Variants in TTN observed in about 807,000 individuals in gnomAD.
The protein encoded by TTN is titin, also known as connectin.
TTN carries 1,525 observed loss-of-function variants against 3,223.0 expected under a neutral mutation model. The observed-to-expected ratio is 0.47, with a 90% CI of 0.45 to 0.49. The LOEUF (loss-of-function observed/expected upper bound fraction) is 0.49, where lower values mean the gene tolerates loss of function less well. Ranked by LOEUF, TTN falls within the 20% of genes least tolerant of loss-of-function variation. The pLI, the probability that TTN is intolerant of heterozygous loss-of-function variation, is 0.00. For missense variants in TTN, 40,786 were observed against 43,424.0 expected (o/e 0.94, Z 5.40); for synonymous variants, 14,094 against 15,161.0 (o/e 0.93, Z 5.17).
intron 330 of TTN, 37 bp from the exon 331 acceptor site, chr2:178,555,189 A>G: frequency 6.4e-7 from 1 of 1,574,356 alleles, no homozygotes; most frequent in Non-Finnish European, 8.6e-7. Context: ...TTAAAATATT[A>G]TAAGGATGGA....
In TTN at chr2:178,533,393, T is replaced by C; in HGVS notation, c.103222A>G (p.Asn34408Asp). The change falls in exon 358 of 363, where the codon AAC becomes GAC. Residue 34408 changes from asparagine (N) to aspartate (D), a missense_variant. Asn to Asp is a conservative substitution (Grantham distance 23, BLOSUM62 1). Transcript: ENST00000589042. ...AAGCCTTCATGGATAATTTCAATGT[T>C]AGGCCCGAGGGACAGTGGCTGACCA... ...KDGQPLSLGP[N>D]IEIIHEGLDY... 6.2e-7 allele frequency: 1 copy of C among 1,613,744 alleles called. No homozygotes were observed.
At chr2:178,798,331 A>T (rs1032180887) in intron 6 of TTN, among the ~76,000 whole-genome samples, 3 of 152,132 alleles carry the variant, frequency 2.0e-5, no homozygotes, top group Non-Finnish European at 4.4e-5. Flanking sequence ...AAGTTTCATC[A>T]TGATAAACTA....
At chr2:178,782,657 A>C in intron 18 of TTN, 55 bp from the exon 19 acceptor site, 1 of 1,608,224 alleles carries the variant, frequency 6.2e-7, no homozygotes, top group Non-Finnish European at 8.5e-7. Context: ...ACCCCTGCTT[A>C]GCACTGACAG....
rs878903962 is a variant in TTN at position 178,532,949 on chromosome 2, C to A, written c.103666G>T (p.Asp34556Tyr). 1.2e-6 allele frequency: 2 copies of A among 1,613,626 alleles called. No individual in the cohort carries two copies. Among genetic ancestry groups the A allele is most frequent in the Admixed American group, 1.7e-5 (1 of 60,000 alleles). ...GGCACGAACTGCTTGATGCGTTGGT[C>A]TTCTTCTATGGTAGTCTGCTTATAC... is the stretch of plus-strand genomic sequence containing the variant. ...RKYKQTTIEE[D>Y]QRIKQFVPMS... The change falls in exon 358 of 363, where the codon GAC becomes TAC. Residue 34556 changes from aspartate (D) to tyrosine (Y), a missense_variant. By Grantham distance (160) the Asp-to-Tyr change is radical. Coordinates refer to ENST00000589042, the MANE Select transcript of TTN (RefSeq NM_001267550.2).
chr2:178,616,701 C>T, intron 256 of TTN, 28 bp downstream of exon 256: 1 of 1,612,032 alleles, frequency 6.2e-7, no homozygotes, highest in South Asian at 1.1e-5. Context: ...GCCAAATCAC[C>T]TTAGATGATA....
chr2:178,569,092 C>T lies in TTN; in HGVS notation c.77040G>A (p.Glu25680=), dbSNP rs988760489. The T allele has an allele frequency of 6.2e-6, 10 of 1,613,328 alleles. No homozygotes were observed. The African/African-American group carries it at 1.3e-4, about 22-fold the overall frequency. ...SYYFRVTAEN[E]YGIGLPAQTA... ...TCTGGGCAGGAAGGCCAATACCATACTCATTCTCAGCTGTGACTCTAAAGT... is the reference window on the plus strand; with the variant it reads ...TCTGGGCAGGAAGGCCAATACCATATTCATTCTCAGCTGTGACTCTAAAGT... The change falls in exon 326 of 363, where the codon GAG becomes GAA. Residue 25680 remains glutamate (E), a synonymous_variant. Transcript: ENST00000589042.
intron 224 of TTN, among the ~76,000 whole-genome samples, chr2:178,637,033 A>G (rs1463847418): frequency 1.3e-5 from 2 of 151,302 alleles, no homozygotes; most frequent in Non-Finnish European, 3.0e-5. Context: ...TTTAATCTGA[A>G]GTATAAAATA....
Position 178,557,570 on chromosome 2 carries a change from A to G in TTN, c.87707-15T>C, listed in dbSNP as rs763361863. 1.9e-6 allele frequency: 3 copies of G among 1,613,746 alleles called. No individual in the cohort carries two copies. Among genetic ancestry groups the G allele is most frequent in the East Asian group, 2.2e-5 (1 of 44,868 alleles). On this transcript the variant is annotated splice_polypyrimidine_tract_variant and intron_variant, in intron 328 of 362. Coordinates refer to ENST00000589042, the MANE Select transcript of TTN (RefSeq NM_001267550.2). ...TCCAGGTGTTGCTACAAAAGAGAGAAATCCTATAGATTAGTACAGACAATA... is the reference window on the plus strand; with the variant it reads ...TCCAGGTGTTGCTACAAAAGAGAGAGATCCTATAGATTAGTACAGACAATA...
Position 178,557,478 on chromosome 2 carries a change from C to A in TTN, c.87784G>T (p.Val29262Leu), listed in dbSNP as rs1466272644. ...ESITVGWHEP[V>L]SNGGSAVVGY... ...ACGACTGCACTGCCTCCATTTGACA[C>A]TGGTTCATGCCAGCCCACAGTGATG... The change falls in exon 329 of 363, where the codon GTG becomes TTG. Residue 29262 changes from valine (V) to leucine (L), a missense_variant. Val to Leu is a conservative substitution (Grantham distance 32). Coordinates refer to ENST00000589042, the MANE Select transcript of TTN (RefSeq NM_001267550.2). 9 of 1,613,814 alleles carry A rather than the reference C, an allele frequency of 5.6e-6. No homozygotes were observed. The Admixed American group carries it at 1.5e-4, about 27-fold the overall frequency.
intron 226 of TTN, 118 bp from the exon 227 acceptor site, chr2:178,635,833 T>C (rs937224350): frequency 6.6e-7 from 1 of 1,507,502 alleles, no homozygotes; most frequent in African/African-American, 1.4e-5. Flanking sequence ...ATTAATCCAC[T>C]GTAGGATATA....
intron 81 of TTN, 34 bp downstream of exon 81, chr2:178,719,949 T>C (rs563132993): frequency 3.2e-6 from 5 of 1,553,940 alleles, no homozygotes; most frequent in African/African-American, 2.7e-5. Flanking sequence ...ATCAAGTAAA[T>C]TGATTTTTTC....
rs367620757 is a variant in TTN, at chr2:178,732,956, A to G, written c.16220T>C (p.Phe5407Ser). The part of the protein sequence containing the change: ...IAASDRYRIA[F>S]VEGTASLEII... Reference sequence around the variant, plus strand: ...CTCCAAAGAGGCTGTGCCTTCCACAAATGCTATCCTGTATCTGTCAGAAGC... The same window carrying G: ...CTCCAAAGAGGCTGTGCCTTCCACAGATGCTATCCTGTATCTGTCAGAAGC... Residue 5407 changes from phenylalanine (F) to serine (S), a missense_variant, in exon 55 of 363, where the codon TTT becomes TCT. Coordinates refer to ENST00000589042, the MANE Select transcript of TTN (RefSeq NM_001267550.2). 8.7e-6 allele frequency: 14 copies of G among 1,613,436 alleles called. No homozygotes were observed. Among genetic ancestry groups the G allele is most frequent in the Admixed American group, 1.7e-5 (1 of 59,942 alleles).
In TTN at chr2:178,542,671, T is replaced by C; in HGVS notation, c.97183A>G (p.Ile32395Val). The change falls in exon 348 of 363, where the codon ATC becomes GTC. Residue 32395 changes from isoleucine to valine, a missense_variant. Transcript: ENST00000589042. ...TGTCACACATCCTTACCAAGAATGA[T>C]AACTTTAATGGTTTCTGAAGTAGTT... ...TGTTSETIKV[I>V]ILDKPGPPTG... 6.2e-7 allele frequency: 1 copy of C among 1,611,124 alleles called. No homozygotes were observed. The highest frequency in any genetic ancestry group is 8.5e-7 in the Non-Finnish European group (1 of 1,177,440).
intron 159 of TTN, among the ~76,000 whole-genome samples, chr2:178,668,479 C>G (rs2066363065): frequency 6.6e-6 from 1 of 151,670 alleles, no homozygotes; most frequent in South Asian, 2.1e-4. Context: ...GCCTGTAATC[C>G]CAGCACTTTG....
In TTN at chr2:178,604,896, G is replaced by A. The variant is rs369438623; in HGVS notation, c.54193C>T (p.Arg18065Cys). 7.5e-6 allele frequency: 12 copies of A among 1,610,260 alleles called. No homozygotes were observed. Among genetic ancestry groups the A allele is most frequent in the Admixed American group, 5.0e-5 (3 of 59,592 alleles). Residue 18065 changes from arginine (R) to cysteine (C), a missense_variant and splice_region_variant, in exon 281 of 363, where the codon CGC (arginine) becomes TGC (cysteine). Coordinates refer to ENST00000589042, the MANE Select transcript of TTN (RefSeq NM_001267550.2). The part of the protein sequence containing the change: ...FRNVHVEVYD[R>C]PSPPRNLAVT... ...GCAAGATTTCTTGGTGGGGATGGGCGGTCTGGAAAGGAATCAACAGAGAAT... is the reference window on the plus strand; with the variant it reads ...GCAAGATTTCTTGGTGGGGATGGGCAGTCTGGAAAGGAATCAACAGAGAAT...
In TTN at chr2:178,580,626, G is replaced by A; in HGVS notation, c.66770-17C>T. The stretch of plus-strand genomic sequence containing the variant: ...CAGGTGGAACTGTTTAATTTTGGGT[G>A]AAGAAGTTAAATAAAAATTTAATAG... On this transcript the variant is annotated splice_polypyrimidine_tract_variant and intron_variant, in intron 316 of 362. Transcript: ENST00000589042. The A allele has an allele frequency of 1.3e-6, 2 of 1,586,024 alleles. No homozygotes were observed. The highest frequency in any genetic ancestry group is 2.4e-5 in the South Asian group (2 of 84,770).
At chr2:178,748,569 T>G in intron 47 of TTN, 1 of 1,613,112 alleles carries the variant, frequency 6.2e-7, no homozygotes, top group Non-Finnish European at 8.5e-7. Context: ...ATGTTCTCAG[T>G]GTCAGCAGGA....
Position 178,770,418 on chromosome 2 carries a change from C to A in TTN, c.8374G>T (p.Val2792Leu). Residue 2792 changes from valine (V) to leucine (L), a missense_variant, in exon 35 of 363, where the codon GTG becomes TTG. Transcript: ENST00000589042. ...GRLGASARLH[V>L]ETVKIIKKPK... ...TGTTTCTAAATCAACTTACTCTCCACGTGCAGTCTGGCACTGGCTCCAAGC... is the reference window on the plus strand; with the variant it reads ...TGTTTCTAAATCAACTTACTCTCCAAGTGCAGTCTGGCACTGGCTCCAAGC... 4 of 1,614,174 alleles carry A rather than the reference C, an allele frequency of 2.5e-6. No homozygotes were observed. Among genetic ancestry groups the A allele is most frequent in the Non-Finnish European group, 3.4e-6 (4 of 1,180,024 alleles).
Position 178,607,517 on chromosome 2 carries a change from C to T in TTN, c.53171G>A (p.Gly17724Glu). 2 of 1,613,192 alleles carry T rather than the reference C, an allele frequency of 1.2e-6. No homozygotes were observed. The highest frequency in any genetic ancestry group is 1.7e-6 in the Non-Finnish European group (2 of 1,179,348). ...CTTGATAATTAGTTCAGATTTGGTTCCAACGTTGTCTATTACAACACGGTC... is the reference window on the plus strand; with the variant it reads ...CTTGATAATTAGTTCAGATTTGGTTTCAACGTTGTCTATTACAACACGGTC... Reference protein sequence around the residue: ...DKDRVVIDNVGTKSELIIKDA... With the variant: ...DKDRVVIDNVETKSELIIKDA... Residue 17724 changes from glycine (G) to glutamate (E), a missense_variant, in exon 277 of 363, where the codon GGA becomes GAA. Transcript: ENST00000589042.
Sources: allele counts gnomAD v4.1 joint callset (sites outside exome capture counted in the v4.1 genomes callset), GRCh38; gene constraint gnomAD v4.1.1; transcripts MANE v1.5; gene names NCBI Gene and HGNC (gene_info 2026-07-23, HGNC 2026-07-21).